SPRY1: variants seen among roughly 807,000 people sequenced by gnomAD.
SPRY1 encodes the protein protein sprouty homolog 1.
Under a neutral mutation model 22.6 loss-of-function variants are expected in SPRY1, and 20 were observed. The observed-to-expected ratio is 0.89, with a 90% CI of 0.62 to 1.29. The LOEUF (loss-of-function observed/expected upper bound fraction) is 1.29, where lower values mean the gene tolerates loss of function less well. Ranked by LOEUF, SPRY1 falls within the 50% of genes most tolerant of loss-of-function variation. The probability of loss-of-function intolerance (pLI) is 0.00; values close to 1 mark genes in which losing one functional copy is unlikely to be tolerated. For synonymous variants in SPRY1, 155 were observed against 144.7 expected (o/e 1.07, Z -0.51); for missense variants, 446 against 387.7 (o/e 1.15, Z -1.26).
intron 2 of SPRY1, 29 bp downstream of exon 2, chr4:123,397,885 C>G (rs1278562816): frequency 1.3e-5 from 2 of 152,124 alleles, no homozygotes; most frequent in African/African-American, 4.8e-5. Context: ...CCCTCCCGGC[C>G]GCGGCAGCCT....
Position 123,402,680 on chromosome 4 carries a change from G to A in SPRY1, c.*129G>A. 1 of 1,219,090 alleles carries A rather than the reference G, an allele frequency of 8.2e-7. No homozygotes were observed. 75.5% of individuals were successfully genotyped at this position (1,219,090 alleles called of 1,614,324 possible). A position where few individuals can be genotyped will look rare whatever the true frequency, so the allele number is the denominator to read the frequency against. On this transcript the variant is annotated 3_prime_UTR_variant, in exon 3 of 3. Transcript: ENST00000651917. ...CCACCTTCTCTTCCCCTGTTGCCAAGGTCTAACTCATGGATTTTTCTCTTT... is the reference window on the plus strand; with the variant it reads ...CCACCTTCTCTTCCCCTGTTGCCAAAGTCTAACTCATGGATTTTTCTCTTT...
intron 1 of SPRY1, 68 bp downstream of exon 1, chr4:123,397,000 A>T (rs1357069221): frequency 6.6e-6 from 1 of 152,236 alleles, no homozygotes; most frequent in African/African-American, 2.4e-5. Flanking sequence ...TTTTGCAAGG[A>T]ACTGAACATT....
chr4:123,401,886 C>T lies in SPRY1; in HGVS notation c.295C>T (p.His99Tyr). Reference sequence around the variant, plus strand: ...GCACAGACACACAAGCCACCTGGGACATGCAGTACTCCCAAGTAATGCCAG... The same window carrying T: ...GCACAGACACACAAGCCACCTGGGATATGCAGTACTCCCAAGTAATGCCAG... ...YEHRHTSHLGHAVLPSNARGP... is the reference protein window; with the variant it reads ...YEHRHTSHLGYAVLPSNARGP... The change falls in exon 3 of 3, where the codon CAT becomes TAT. Residue 99 changes from histidine to tyrosine, a missense_variant. Coordinates refer to ENST00000651917, the MANE Select transcript of SPRY1 (RefSeq NM_001258038.2). 6.2e-7 allele frequency: 1 copy of T among 1,614,204 alleles called. No homozygotes were observed. Among genetic ancestry groups the T allele is most frequent in the Non-Finnish European group, 8.5e-7 (1 of 1,180,034 alleles).
chr4:123,398,513 G>A (rs995626788), intron 2 of SPRY1: 1 of 151,752 alleles, frequency 6.6e-6, no homozygotes, highest in Non-Finnish European at 1.5e-5. Context: ...CTTCGGCCTA[G>A]GTGAGTGTGT....
rs1034851386 is a variant in SPRY1 at position 123,403,116 on chromosome 4, C to T, written c.*565C>T. 1.1e-4 allele frequency: 32 copies of T among 284,296 alleles called. No homozygotes were observed. The highest frequency in any genetic ancestry group is 6.3e-4 in the African/African-American group (29 of 45,742). The allele number at this position is 284,296 out of a possible 1,614,324, so 17.6% of individuals were successfully genotyped here. A position where few individuals can be genotyped will look rare whatever the true frequency, so the allele number is the denominator to read the frequency against. On this transcript the variant is annotated 3_prime_UTR_variant, in exon 3 of 3. Transcript: ENST00000651917. ...CTTTCTCCTTCAAGGTTCTTTCCCC[C>T]TCAGTTTTGTTGTTGTCTTACTCTG...
At chr4:123,397,275 G>C (rs1724948471) in intron 1 of SPRY1, among the ~76,000 whole-genome samples, 1 of 152,206 alleles carries the variant, frequency 6.6e-6, no homozygotes, top group Non-Finnish European at 1.5e-5. Context: ...TTTAGGCATT[G>C]TTGGCGACCG....
chr4:123,398,608 T>C (rs894129566), intron 2 of SPRY1: 5 of 151,860 alleles, frequency 3.3e-5, no homozygotes, highest in Admixed American at 1.3e-4. Flanking sequence ...GCGGCGCTGC[T>C]GCCCGAGCCA....
At position 123,402,168 on chromosome 4, in the gene SPRY1, A is replaced by G. The variant is rs1359961735; in HGVS notation, c.577A>G (p.Thr193Ala). Residue 193 changes from threonine to alanine, a missense_variant, in exon 3 of 3, where the codon ACT (threonine) becomes GCT (alanine). Thr to Ala is a moderately conservative substitution (Grantham distance 58). Transcript: ENST00000651917. ...TGGGAAGTGCAAGTGTGGAGAATGC[A>G]CTGCTCCCAGGACCCTACCATCCTG... ...QCGKCKCGEC[T>A]APRTLPSCLA... 6.2e-6 allele frequency: 10 copies of G among 1,614,092 alleles called. No individual in the cohort carries two copies. The highest frequency in any genetic ancestry group is 8.5e-6 in the Non-Finnish European group (10 of 1,180,046).
At position 123,397,846 on chromosome 4, in the gene SPRY1, AAAAGAAAAG is replaced by A. The variant is rs1724975061; in HGVS notation, c.-65_-57del. The A allele has an allele frequency of 6.6e-6, 1 of 151,032 alleles. No homozygotes were observed. The highest frequency in any genetic ancestry group is 1.5e-5 in the Non-Finnish European group (1 of 67,798). 9.4% of individuals were successfully genotyped at this position (151,032 alleles called of 1,614,324 possible). ...CTCCTCCCCGCTAAAAAAAAAAAAA[AAAAGAAAAG>A]GGTAAAAAAATCCCCCTCCCCCTCC... On this transcript the variant is annotated splice_region_variant and 5_prime_UTR_variant, in exon 2 of 3. Transcript: ENST00000651917.
At position 123,403,739 on chromosome 4, in the gene SPRY1, T is replaced by C. The variant is rs1725263496; in HGVS notation, c.*1188T>C. The C allele has an allele frequency of 6.0e-6, 1 of 166,906 alleles. No individual in the cohort carries two copies. Among genetic ancestry groups the C allele is most frequent in the South Asian group, 2.1e-4 (1 of 4,826 alleles). The allele number at this position is 166,906 out of a possible 1,614,324, so 10.3% of individuals were successfully genotyped here. ...CATATGTTAACTATAATGCAGAAAATATATTAATTAATGAAACTGTCTCTC... is the reference window on the plus strand; with the variant it reads ...CATATGTTAACTATAATGCAGAAAACATATTAATTAATGAAACTGTCTCTC... On this transcript the variant is annotated 3_prime_UTR_variant, in exon 3 of 3. Transcript: ENST00000651917.
chr4:123,397,261 T>C (rs1192755261), intron 1 of SPRY1, among the ~76,000 whole-genome samples: 3 of 152,198 alleles, frequency 2.0e-5, no homozygotes, highest in Admixed American at 2.0e-4. Flanking sequence ...CAAATGCGTG[T>C]TTGTTTAGGC....
At chr4:123,399,388 T>TGG (rs933080448) in intron 2 of SPRY1, 5 of 150,580 alleles carry the variant, frequency 3.3e-5, no homozygotes, top group African/African-American at 1.2e-4. Flanking sequence ...AAAAAAAAAG[T>TGG]GGGGAAGTCC....
At chr4:123,398,987 G>C (rs1317194733) in intron 2 of SPRY1, among the ~76,000 whole-genome samples, 1 of 152,118 alleles carries the variant, frequency 6.6e-6, no homozygotes, top group Admixed American at 6.5e-5. Context: ...TTACCCCCTC[G>C]ATAGAATTAG....
intron 2 of SPRY1, chr4:123,398,442 T>G (rs1277398903): frequency 6.6e-6 from 1 of 151,130 alleles, no homozygotes; most frequent in Non-Finnish European, 1.5e-5. Flanking sequence ...ATGCGGCACG[T>G]GCACGCCGCC....
chr4:123,400,342 C>T (rs1446319307), intron 2 of SPRY1: 2 of 152,226 alleles, frequency 1.3e-5, no homozygotes, highest in Admixed American at 6.5e-5. Context: ...AAATGGACTT[C>T]TTTCTGCGTT....
At chr4:123,397,499 AGGGAGCACATGGCAAC>A (rs994107417) in intron 1 of SPRY1, 96 bp from the exon 2 acceptor site, 1 of 152,274 alleles carries the variant, frequency 6.6e-6, no homozygotes, top group African/African-American at 2.4e-5. Flanking sequence ...GAGCAGCAAC[AGGGAGCACATGGCAAC>A]GGGCTGCGGG....
chr4:123,398,887 C>T (rs1331517475), intron 2 of SPRY1, among the ~76,000 whole-genome samples: 1 of 151,950 alleles, frequency 6.6e-6, no homozygotes, highest in Non-Finnish European at 1.5e-5. Context: ...CCCCGGAGGC[C>T]CTCTTTGGAG....
Position 123,401,973 on chromosome 4 carries a change from A to G in SPRY1, c.382A>G (p.Ser128Gly), listed in dbSNP as rs780002408. 6.2e-7 allele frequency: 1 copy of G among 1,614,240 alleles called. No homozygotes were observed. Among genetic ancestry groups the G allele is most frequent in the Non-Finnish European group, 8.5e-7 (1 of 1,180,044 alleles). The change falls in exon 3 of 3, where the codon AGT becomes GGT. Residue 128 changes from serine to glycine, a missense_variant. Ser to Gly is a moderately conservative substitution (Grantham distance 56). Transcript: ENST00000651917. ...GSAASSGSNSSASSEQGLLGR... is the reference protein window; with the variant it reads ...GSAASSGSNSGASSEQGLLGR... ...TGCAGCCAGCTCTGGGAGCAACAGC[A>G]GTGCCTCTTCTGAACAGGGACTGTT... is the stretch of plus-strand genomic sequence containing the variant.
intron 2 of SPRY1, among the ~76,000 whole-genome samples, chr4:123,398,888 C>G (rs571770915): frequency 6.6e-6 from 1 of 152,168 alleles, no homozygotes; most frequent in Non-Finnish European, 1.5e-5. Flanking sequence ...CCCGGAGGCC[C>G]TCTTTGGAGG....
Sources: gnomAD v4.1 joint callset for allele counts (sites outside exome capture counted in the v4.1 genomes callset) on GRCh38, gnomAD v4.1.1 for gene constraint, MANE v1.5 for transcripts, NCBI Gene and HGNC (gene_info 2026-07-23, HGNC 2026-07-21) for gene names.